The following RASA1 variants were observed in gnomAD, a reference collection of about 807,000 sequenced individuals.
The protein encoded by RASA1 is RAS p21 protein activator 1.
In RASA1, 25 loss-of-function variants were observed where a neutral mutation model predicts 132.2. That is an observed-to-expected ratio of 0.19 (90% CI 0.14 to 0.26). The LOEUF is 0.26. RASA1 is among the 10% of genes least tolerant of loss of function. The pLI, the probability that RASA1 is intolerant of heterozygous loss-of-function variation, is 1.00. For synonymous variants in RASA1, 477 were observed against 449.9 expected (o/e 1.06, Z -0.76); for missense variants, 964 against 1,299.2 (o/e 0.74, Z 3.97).
intron 11 of RASA1, among the ~76,000 whole-genome samples, chr5:87,368,919 C>T (rs1400370111): frequency 6.6e-6 from 1 of 152,102 alleles, no homozygotes; most frequent in Non-Finnish European, 1.5e-5. Flanking sequence ...TAAGTTTTAT[C>T]CAACTAGGGT....
In RASA1 at chr5:87,268,718, A is replaced by AGGTACTGCTGCTGGCGTAGCT. The variant is rs770671027; in HGVS notation, c.271_291dup (p.Thr91_Gly97dup). On this transcript the variant is annotated inframe_insertion, in exon 1 of 25. Coordinates refer to ENST00000274376, the MANE Select transcript of RASA1 (RefSeq NM_002890.3). ...TGGGGGGAGCTGGACTGACAGGGGG[A>AGGTACTGCTGCTGGCGTAGCT]GGTACTGCTGCTGGCGTAGCTGGTG... 3 of 1,611,044 alleles carry AGGTACTGCTGCTGGCGTAGCT rather than the reference A, an allele frequency of 1.9e-6. No individual in the cohort carries two copies. The highest frequency in any genetic ancestry group is 2.5e-6 in the Non-Finnish European group (3 of 1,178,804).
At chr5:87,271,030 G>A (rs1312215272) in intron 1 of RASA1, among the ~76,000 whole-genome samples, 1 of 152,094 alleles carries the variant, frequency 6.6e-6, no homozygotes, top group Admixed American at 6.5e-5. Context: ...CCTGAAGTCC[G>A]GAGTTTGAGA....
intron 1 of RASA1, among the ~76,000 whole-genome samples, chr5:87,270,646 C>CTTT (rs70996415): frequency 7.0e-5 from 5 of 71,780 alleles, no homozygotes; most frequent in South Asian, 4.9e-4. Context: ...GGTGCCCGGC[C>CTTT]TTTTTTTTTT....
Position 87,281,402 on chromosome 5 carries a change from G to A in RASA1, c.539+12412G>A, listed in dbSNP as rs889751026. Among the ~76,000 whole-genome samples, 5 of 151,842 alleles carry A rather than the reference G, an allele frequency of 3.3e-5. No individual in the cohort carries two copies. The South Asian group carries it at 6.2e-4, about 19-fold the overall frequency. Reference sequence around the variant, plus strand: ...TGATTATCCTGCCTCAGCTTCCCGAGTGCCAACACTTTTTATTTTCTATTT... The same window carrying A: ...TGATTATCCTGCCTCAGCTTCCCGAATGCCAACACTTTTTATTTTCTATTT... On this transcript the variant is annotated intron_variant, in intron 1 of 24. Transcript: ENST00000274376.
chr5:87,270,157 G>T (rs574920254), intron 1 of RASA1, among the ~76,000 whole-genome samples: 3 of 150,042 alleles, frequency 2.0e-5, no homozygotes, highest in African/African-American at 7.3e-5. Context: ...CAGAAGAATC[G>T]CTTGAACCCA....
chr5:87,373,746 T>C (rs1761118245), intron 13 of RASA1, among the ~76,000 whole-genome samples: 1 of 152,196 alleles, frequency 6.6e-6, no homozygotes, highest in South Asian at 2.1e-4. Context: ...GGAACTCTTT[T>C]ATAGAAATAG....
intron 13 of RASA1, 120 bp downstream of exon 13, chr5:87,372,315 TTGCTTCAG>T (rs993335944): frequency 3.0e-5 from 26 of 857,572 alleles, no homozygotes; most frequent in Non-Finnish European, 4.6e-5. Context: ...ATGCTGCCAC[TTGCTTCAG>T]TAGCAGGAAA....
rs577650212 is a variant in RASA1, at chr5:87,283,244, CTG to C, written c.539+14256_539+14257del. 1.3e-4 allele frequency among the ~76,000 whole-genome samples: 17 copies of C among 134,528 alleles called. No homozygotes were observed. In the South Asian group the frequency reaches 4.1e-3, roughly 32 times the overall value. 88.3% of individuals were successfully genotyped at this position (134,528 alleles called of 152,430 possible). On this transcript the variant is annotated intron_variant, in intron 1 of 24. Transcript: ENST00000274376. ...AGCTGAAATTTTCTATTTTTTAAAT[CTG>C]TTTTAAAAGAATTTGTAATTGATTG...
chr5:87,323,484 G>T (rs1255095565), intron 1 of RASA1, among the ~76,000 whole-genome samples: 3 of 152,150 alleles, frequency 2.0e-5, no homozygotes, highest in Non-Finnish European at 2.9e-5. Context: ...TGAAAGGACA[G>T]ATCTGAGAAT....
At chr5:87,311,273 A>T (rs1051880730) in intron 1 of RASA1, among the ~76,000 whole-genome samples, 10 of 152,174 alleles carry the variant, frequency 6.6e-5, no homozygotes, top group Non-Finnish European at 4.4e-5. Context: ...AACTGGCAGT[A>T]TCTGGTGCTT....
At chr5:87,287,549 C>A (rs944285372) in intron 1 of RASA1, among the ~76,000 whole-genome samples, 2 of 144,770 alleles carry the variant, frequency 1.4e-5, no homozygotes, top group African/African-American at 5.1e-5. Context: ...TATATACACA[C>A]CATATATATA....
chr5:87,319,487 C>T (rs1004671103), intron 1 of RASA1, among the ~76,000 whole-genome samples: 1 of 151,974 alleles, frequency 6.6e-6, no homozygotes, highest in Non-Finnish European at 1.5e-5. Context: ...CACCCACAGA[C>T]CCAACACCAT....
At chr5:87,331,525 G>T (rs371028685) in intron 2 of RASA1, 25 bp downstream of exon 2, 4 of 1,606,484 alleles carry the variant, frequency 2.5e-6, no homozygotes, top group African/African-American at 1.3e-5. Flanking sequence ...CTATTATGAA[G>T]CCAAATGATG....
chr5:87,282,730 T>C (rs1451250642), intron 1 of RASA1, among the ~76,000 whole-genome samples: 1 of 152,220 alleles, frequency 6.6e-6, no homozygotes, highest in Non-Finnish European at 1.5e-5. Flanking sequence ...AACTTCTTTT[T>C]AGTCATTTTT....
intron 1 of RASA1, among the ~76,000 whole-genome samples, chr5:87,279,424 A>T (rs1280975078): frequency 6.6e-6 from 1 of 152,068 alleles, no homozygotes; most frequent in Non-Finnish European, 1.5e-5. Context: ...CATTTGGGTC[A>T]TTTCTAGTTT....
chr5:87,388,279 G>A (rs1255118400), intron 23 of RASA1, among the ~76,000 whole-genome samples: 1 of 151,988 alleles, frequency 6.6e-6, no homozygotes, highest in African/African-American at 2.4e-5. Context: ...ACATTGTTTT[G>A]CAGTTTTTAG....
At chr5:87,274,457 G>T (rs1003970897) in intron 1 of RASA1, among the ~76,000 whole-genome samples, 3 of 152,108 alleles carry the variant, frequency 2.0e-5, no homozygotes, top group African/African-American at 7.2e-5. Context: ...AAAAATGGGG[G>T]TGAGACTTGC....
chr5:87,317,228 G>T (rs988914207), intron 1 of RASA1, among the ~76,000 whole-genome samples: 1 of 152,058 alleles, frequency 6.6e-6, no homozygotes, highest in African/African-American at 2.4e-5. Flanking sequence ...TTATTACATG[G>T]TGCTCTTATT....
chr5:87,288,909 T>C (rs925591720), intron 1 of RASA1, among the ~76,000 whole-genome samples: 5 of 152,180 alleles, frequency 3.3e-5, no homozygotes, highest in African/African-American at 1.2e-4. Flanking sequence ...TTCTTTTCCA[T>C]TGAAATACTT....
Sources: gnomAD v4.1 joint callset for allele counts (sites outside exome capture counted in the v4.1 genomes callset) on GRCh38, gnomAD v4.1.1 for gene constraint, MANE v1.5 for transcripts, NCBI Gene and HGNC (gene_info 2026-07-23, HGNC 2026-07-21) for gene names.